CSMD1: variants seen among roughly 807,000 people sequenced by gnomAD.
CSMD1 encodes CUB and Sushi multiple domains 1, also known as CUB and sushi domain-containing protein 1.
In CSMD1, 213 loss-of-function variants were observed where a neutral mutation model predicts 417.5. The observed-to-expected ratio is 0.51, with a 90% CI of 0.46 to 0.57. The LOEUF (loss-of-function observed/expected upper bound fraction) is 0.57, where lower values mean the gene tolerates loss of function less well. Ranked by LOEUF, CSMD1 falls within the 20% of genes least tolerant of loss-of-function variation. The probability of loss-of-function intolerance (pLI) is 0.00; values close to 1 mark genes in which losing one functional copy is unlikely to be tolerated. For missense variants in CSMD1, 6,923 were observed against 4,529.7 expected (o/e 1.53, Z -15.17); for synonymous variants, 2,862 against 1,736.8 (o/e 1.65, Z -16.11).
chr8:4,369,531 C>A (rs995286236), intron 3 of CSMD1, among the ~76,000 whole-genome samples: 4 of 152,162 alleles, frequency 2.6e-5, no homozygotes, highest in Non-Finnish European at 5.9e-5. Flanking sequence ...CTAACACCGT[C>A]AGTGCAGTAT....
At chr8:4,534,418 C>T (rs935902930) in intron 2 of CSMD1, among the ~76,000 whole-genome samples, 3 of 152,188 alleles carry the variant, frequency 2.0e-5, no homozygotes, top group Non-Finnish European at 4.4e-5. Context: ...TTCACCTTTA[C>T]TCTCTTGCCA....
chr8:3,716,101 T>G (rs1801816355), intron 6 of CSMD1, among the ~76,000 whole-genome samples: 1 of 152,232 alleles, frequency 6.6e-6, no homozygotes. Flanking sequence ...TGAAAGCACT[T>G]TCTGCCCTTT....
chr8:3,775,574 A>G (rs1299402795), intron 5 of CSMD1, among the ~76,000 whole-genome samples: 1 of 152,228 alleles, frequency 6.6e-6, no homozygotes, highest in African/African-American at 2.4e-5. Flanking sequence ...AATGATCTCC[A>G]GTGTGGACTC....
chr8:4,333,557 C>A (rs1197898102), intron 3 of CSMD1, among the ~76,000 whole-genome samples: 1 of 152,260 alleles, frequency 6.6e-6, no homozygotes, highest in East Asian at 1.9e-4. Context: ...ATATGCACAC[C>A]ATGACATGCA....
chr8:4,482,125 G>T (rs1454476377), intron 2 of CSMD1, among the ~76,000 whole-genome samples: 2 of 152,046 alleles, frequency 1.3e-5, no homozygotes, highest in Non-Finnish European at 2.9e-5. Context: ...TAAGTTCAGG[G>T]GTACATGAGC....
intron 54 of CSMD1, among the ~76,000 whole-genome samples, chr8:2,990,126 A>G (rs1806249570): frequency 1.3e-5 from 2 of 152,220 alleles, no homozygotes; most frequent in African/African-American, 4.8e-5. Flanking sequence ...TCCTTCAGTC[A>G]TGCAATTTAT....
At chr8:3,267,918 G>A (rs1054521812) in intron 26 of CSMD1, among the ~76,000 whole-genome samples, 2 of 152,128 alleles carry the variant, frequency 1.3e-5, no homozygotes, top group African/African-American at 4.8e-5. Context: ...TCAAAGGGCA[G>A]CAGAGGGCAG....
chr8:4,213,722 C>T (rs920003590), intron 3 of CSMD1, among the ~76,000 whole-genome samples: 1 of 152,136 alleles, frequency 6.6e-6, no homozygotes, highest in Non-Finnish European at 1.5e-5. Context: ...GTGTGATTTC[C>T]TGAAAGGGTG....
At chr8:4,753,403 C>CCA (rs71209121) in intron 1 of CSMD1, among the ~76,000 whole-genome samples, 2,265 of 137,810 alleles carry the variant, frequency 0.016, 20 homozygotes, top group East Asian at 0.035. Context: ...CCACCATAAA[C>CCA]CACACACACA....
rs1232560498 is a variant in CSMD1, at chr8:3,385,763, T to C, written c.2782+1731A>G. ...AATGTAAAAAAATGAGACATGTCTT[T>C]CCAGAAAAACTTAGGCATAACTACT... On this transcript the variant is annotated intron_variant, in intron 18 of 69. Transcript: ENST00000635120. Among the ~76,000 whole-genome samples, 5 of 152,176 alleles carry C rather than the reference T, an allele frequency of 3.3e-5. No individual in the cohort carries two copies. The East Asian group carries it at 7.7e-4, about 23-fold the overall frequency.
intron 1 of CSMD1, among the ~76,000 whole-genome samples, chr8:4,912,247 A>C (rs1392902476): frequency 6.6e-6 from 1 of 152,156 alleles, no homozygotes; most frequent in East Asian, 1.9e-4. Context: ...TACCACTGAA[A>C]TTATTGGCAA....
intron 10 of CSMD1, among the ~76,000 whole-genome samples, chr8:3,535,031 T>C (rs1034829063): frequency 6.6e-6 from 1 of 152,180 alleles, no homozygotes; most frequent in Admixed American, 6.5e-5. Flanking sequence ...CACCGTAGCA[T>C]TCAACTCCTG....
At chr8:4,011,764 T>A (rs868717191) in intron 4 of CSMD1, among the ~76,000 whole-genome samples, 2 of 152,174 alleles carry the variant, frequency 1.3e-5, no homozygotes, top group Non-Finnish European at 2.9e-5. Context: ...AGTGGTTACA[T>A]CTTATACAAG....
intron 3 of CSMD1, among the ~76,000 whole-genome samples, chr8:4,157,702 G>A (rs13270578): frequency 4.6e-5 from 7 of 152,058 alleles, no homozygotes; most frequent in Middle Eastern, 6.8e-3. Flanking sequence ...GCCTTGGGTG[G>A]GTCTGCACAG....
chr8:4,392,996 G>T (rs899616984), intron 3 of CSMD1, among the ~76,000 whole-genome samples: 2 of 152,070 alleles, frequency 1.3e-5, no homozygotes, highest in Non-Finnish European at 2.9e-5. Flanking sequence ...AAAAAAGAGA[G>T]ATGGAGTGTC....
intron 3 of CSMD1, among the ~76,000 whole-genome samples, chr8:4,125,115 TC>T (rs1563155399): frequency 1.1e-4 from 3 of 27,462 alleles, no homozygotes; most frequent in Non-Finnish European, 2.3e-4. Context: ...CAGGAACACT[TC>T]CATCGAGAAA....
chr8:3,366,030 A>G lies in CSMD1; in HGVS notation c.3115+1002T>C, dbSNP rs73489683. Among the ~76,000 whole-genome samples the G allele has an allele frequency of 7.7e-3, 1,174 of 152,292 alleles. 13 individuals carry two copies. The highest frequency in any genetic ancestry group is 0.027 in the African/African-American group (1,111 of 41,554). On this transcript the variant is annotated intron_variant, in intron 20 of 69. Transcript: ENST00000635120. Reference sequence around the variant, plus strand: ...AATCTCATAAGTGGCATCAGAAGTTATTAAGGAATTTATGAGATCTCAAAA... The same window carrying G: ...AATCTCATAAGTGGCATCAGAAGTTGTTAAGGAATTTATGAGATCTCAAAA...
At chr8:3,430,132 T>C (rs562860619) in intron 12 of CSMD1, among the ~76,000 whole-genome samples, 18 of 152,158 alleles carry the variant, frequency 1.2e-4, no homozygotes, top group African/African-American at 4.1e-4. Context: ...CACATACATA[T>C]ACATACAAAC....
chr8:4,060,364 T>C (rs1798909438), intron 3 of CSMD1, among the ~76,000 whole-genome samples: 1 of 152,320 alleles, frequency 6.6e-6, no homozygotes, highest in Admixed American at 6.5e-5. Context: ...ACTGGAAGCA[T>C]TCCCTTTGCA....
Sources: gnomAD v4.1 joint callset for allele counts (sites outside exome capture counted in the v4.1 genomes callset) on GRCh38, gnomAD v4.1.1 for gene constraint, MANE v1.5 for transcripts, NCBI Gene and HGNC (gene_info 2026-07-23, HGNC 2026-07-21) for gene names.